Variants in PUF60 observed in about 807,000 individuals in gnomAD.
PUF60 encodes the protein poly(U) binding splicing factor 60, also known as poly(U)-binding-splicing factor PUF60.
A neutral mutation model predicts 61.8 loss-of-function variants in PUF60; 10 were observed. The observed-to-expected ratio is 0.16, with a 90% CI of 0.10 to 0.27. The LOEUF (loss-of-function observed/expected upper bound fraction) is 0.27, where lower values mean the gene tolerates loss of function less well. Ranked by LOEUF, PUF60 falls within the 10% of genes least tolerant of loss-of-function variation. PUF60 has a pLI of 1.00. For synonymous variants in PUF60, 353 were observed against 300.9 expected (o/e 1.17, Z -1.79); for missense variants, 371 against 754.0 (o/e 0.49, Z 5.95).
In PUF60 at chr8:143,818,919, G is replaced by A. The variant is rs1013556801; in HGVS notation, c.349-385C>T. 4.0e-6 allele frequency: 1 copy of A among 252,170 alleles called. No individual in the cohort carries two copies. The highest frequency in any genetic ancestry group is 5.0e-5 in the Admixed American group (1 of 19,858). 15.6% of individuals were successfully genotyped at this position (252,170 alleles called of 1,614,324 possible). ...ACTGTCCCAGCCAAGGACCACGACA[G>A]AAGAGGGAAGGAGGAACCATCCAAG... On this transcript the variant is annotated intron_variant, in intron 5 of 11. Coordinates refer to ENST00000526683, the MANE Select transcript of PUF60 (RefSeq NM_078480.3). The surrounding 1 kb of genome is among the most constrained non-coding windows in gnomAD (Gnocchi z 7.9).
intron 1 of PUF60, among the ~76,000 whole-genome samples, chr8:143,827,831 C>T (rs181065694): frequency 4.9e-4 from 75 of 152,330 alleles, no homozygotes; most frequent in Admixed American, 8.5e-4. Flanking sequence ...TCTGGCACCA[C>T]GCCACAGCAG....
chr8:143,829,254 C>T (rs1554649143), intron 1 of PUF60, 26 bp downstream of exon 1: 2 of 1,251,016 alleles, frequency 1.6e-6, no homozygotes, highest in African/African-American at 3.1e-5. Context: ...CGAGGGCCGC[C>T]CGCGCTCATG....
chr8:143,820,967 G>T (rs951078552), intron 4 of PUF60, among the ~76,000 whole-genome samples: 1 of 152,184 alleles, frequency 6.6e-6, no homozygotes, highest in African/African-American at 2.4e-5. Flanking sequence ...GGAGGGAGGA[G>T]GGCAGTGGAG....
intron 1 of PUF60, 148 bp downstream of exon 1, chr8:143,829,132 C>T (rs1818009496): frequency 3.4e-6 from 4 of 1,191,968 alleles, no homozygotes; most frequent in South Asian, 8.4e-5. Flanking sequence ...GCCCCGCCCC[C>T]GCCTCACGCG....
chr8:143,828,784 A>G (rs1817950575), intron 1 of PUF60, among the ~76,000 whole-genome samples: 1 of 152,180 alleles, frequency 6.6e-6, no homozygotes, highest in African/African-American at 2.4e-5. Flanking sequence ...CCAGCACCGG[A>G]GAACGAATTC....
At chr8:143,827,789 GC>G (rs1817801147) in intron 1 of PUF60, among the ~76,000 whole-genome samples, 1 of 152,168 alleles carries the variant, frequency 6.6e-6, no homozygotes, top group African/African-American at 2.4e-5. Flanking sequence ...GTCAGTTATG[GC>G]CCACGTCCAA....
chr8:143,828,994 G>A (rs1270646268), intron 1 of PUF60: 4 of 993,094 alleles, frequency 4.0e-6, no homozygotes, highest in African/African-American at 1.7e-5. Context: ...CTAGCGGACA[G>A]GAACGCAACC....
chr8:143,829,016 GC>G, intron 1 of PUF60: 1 of 996,986 alleles, frequency 1.0e-6, no homozygotes, highest in East Asian at 1.1e-4. Context: ...CGCCAGGCTC[GC>G]CCGCAAGGGC....
chr8:143,828,862 C>T, intron 1 of PUF60: 1 of 929,196 alleles, frequency 1.1e-6, no homozygotes, highest in Non-Finnish European at 1.3e-6. Context: ...CTACAGGTCC[C>T]GTCCCCTTCT....
At chr8:143,821,534 C>A in intron 4 of PUF60, 63 bp downstream of exon 4, 1 of 1,355,986 alleles carries the variant, frequency 7.4e-7, no homozygotes, top group Non-Finnish European at 1.0e-6. Flanking sequence ...GGAGGAAGAG[C>A]GTGAAGAGGA....
chr8:143,817,578 G>A lies in PUF60; in HGVS notation c.1008+14C>T, dbSNP rs949120143. On this transcript the variant is annotated intron_variant, in intron 9 of 11. Coordinates refer to ENST00000526683, the MANE Select transcript of PUF60 (RefSeq NM_078480.3). This position sits in a 1 kb window ranked among gnomAD's most constrained non-coding sequence, Gnocchi z 7.4. ...CCCGCCCACCCTCAAGCCGACAGCT[G>A]TGTGGGCCCTCACCTGAGCTGTGAT... The A allele has an allele frequency of 2.5e-6, 4 of 1,610,792 alleles. No homozygotes were observed. The African/African-American group carries it at 4.0e-5, about 16-fold the overall frequency.
intron 5 of PUF60, among the ~76,000 whole-genome samples, chr8:143,819,741 C>T (rs1816800675): frequency 6.6e-6 from 1 of 152,120 alleles, no homozygotes; most frequent in Admixed American, 6.5e-5. Flanking sequence ...ATCACATCCC[C>T]CTCACTCAGC....
intron 4 of PUF60, 195 bp downstream of exon 4, chr8:143,821,402 C>T (rs1340284957): frequency 8.2e-6 from 5 of 611,746 alleles, no homozygotes; most frequent in African/African-American, 7.4e-5. Context: ...GGGGCTCCAG[C>T]GAGCAACAGG....
rs1367860890 is a variant in PUF60 at position 143,818,877 on chromosome 8, G to A, written c.349-343C>T. 2.9e-6 allele frequency: 1 copy of A among 344,026 alleles called. No homozygotes were observed. The allele number at this position is 344,026 out of a possible 1,614,324, so 21.3% of individuals were successfully genotyped here. A position where few individuals can be genotyped will look rare whatever the true frequency, so the allele number is the denominator to read the frequency against. ...TCTGGGGGCTGGGTATCCCAGGCTGGGCTGGGAGATCCTCCCACTGTCCCA... is the reference window on the plus strand; with the variant it reads ...TCTGGGGGCTGGGTATCCCAGGCTGAGCTGGGAGATCCTCCCACTGTCCCA... On this transcript the variant is annotated intron_variant, in intron 5 of 11. Coordinates refer to ENST00000526683, the MANE Select transcript of PUF60 (RefSeq NM_078480.3). The surrounding 1 kb of genome is among the most constrained non-coding windows in gnomAD (Gnocchi z 7.9).
At chr8:143,827,022 T>C (rs1269858878) in intron 1 of PUF60, 16 of 278,152 alleles carry the variant, frequency 5.8e-5, no homozygotes, top group South Asian at 4.0e-4. Flanking sequence ...CAATGAACAC[T>C]GCTTACTGCG....
intron 4 of PUF60, among the ~76,000 whole-genome samples, chr8:143,821,045 C>T (rs575921629): frequency 6.6e-6 from 1 of 152,306 alleles, no homozygotes; most frequent in South Asian, 2.1e-4. Flanking sequence ...GGGCGTGAGG[C>T]TCGAGGCCCA....
rs944803427 is a variant in PUF60, at chr8:143,818,845, C to T, written c.349-311G>A. 1.3e-5 allele frequency: 5 copies of T among 395,940 alleles called. No individual in the cohort carries two copies. The South Asian group carries it at 2.9e-4, about 23-fold the overall frequency. 24.5% of individuals were successfully genotyped at this position (395,940 alleles called of 1,614,324 possible). On this transcript the variant is annotated intron_variant, in intron 5 of 11. Transcript: ENST00000526683. The surrounding 1 kb of genome is among the most constrained non-coding windows in gnomAD (Gnocchi z 7.9). ...TGTGCGCCCTCCCACCCAGACCACC[C>T]CTCCAGTCTGGGGGCTGGGTATCCC... is the stretch of plus-strand genomic sequence containing the variant.
At position 143,821,920 on chromosome 8, in the gene PUF60, AG is replaced by A; in HGVS notation, c.112-8del. ...TCTTGATGGAGTCTGTGCCCTGGTA[AG>A]GGAGCAGGGGAATCCATCAGCAGCA... On this transcript the variant is annotated splice_polypyrimidine_tract_variant and splice_region_variant and intron_variant, in intron 2 of 11. Coordinates refer to ENST00000526683, the MANE Select transcript of PUF60 (RefSeq NM_078480.3). The A allele has an allele frequency of 1.9e-6, 3 of 1,587,726 alleles. No individual in the cohort carries two copies. The highest frequency in any genetic ancestry group is 1.7e-6 in the Non-Finnish European group (2 of 1,168,158).
intron 1 of PUF60, chr8:143,829,061 C>A (rs1337219700): frequency 1.2e-5 from 12 of 1,032,660 alleles, no homozygotes; most frequent in Non-Finnish European, 1.4e-5. Flanking sequence ...CCCCGCCCCG[C>A]CGGAAGCTGG....
Sources: gnomAD v4.1 joint callset for allele counts (sites outside exome capture counted in the v4.1 genomes callset) on GRCh38, gnomAD v4.1.1 for gene constraint, Gnocchi (gnomAD v3.1) non-coding constraint, MANE v1.5 for transcripts, NCBI Gene and HGNC (gene_info 2026-07-23, HGNC 2026-07-21) for gene names.